Variants in ANO5 observed in about 807,000 individuals in gnomAD.
The protein encoded by ANO5 is anoctamin 5.
ANO5 carries 109 observed loss-of-function variants against 121.0 expected under a neutral mutation model. The observed-to-expected ratio is 0.90, with a 90% confidence interval of 0.77 to 1.06. The LOEUF (loss-of-function observed/expected upper bound fraction) is 1.06, where lower values mean the gene tolerates loss of function less well. ANO5 is among the 50% of genes least tolerant of loss of function. ANO5 has a pLI of 0.00. For synonymous variants in ANO5, 406 were observed against 359.9 expected (o/e 1.13, Z -1.45); for missense variants, 1,064 against 1,078.5 (o/e 0.99, Z 0.19).
chr11:22,262,558 G>A (rs1322208077), intron 16 of ANO5, among the ~76,000 whole-genome samples: 5 of 152,168 alleles, frequency 3.3e-5, no homozygotes, highest in African/African-American at 1.2e-4. Flanking sequence ...CTTTATTCCT[G>A]AAAATTTCCT....
chr11:22,277,755 T>C (rs1040546059), intron 21 of ANO5: 1 of 151,520 alleles, frequency 6.6e-6, no homozygotes, highest in Non-Finnish European at 1.5e-5. Context: ...ATTTATTTAT[T>C]ATTTGTGTTA....
chr11:22,231,486 T>C (rs1853039625), intron 7 of ANO5, among the ~76,000 whole-genome samples: 1 of 151,952 alleles, frequency 6.6e-6, no homozygotes, highest in South Asian at 2.1e-4. Context: ...CACTCATCAG[T>C]TAACAGTATA....
At chr11:22,266,302 A>G (rs143105651) in intron 17 of ANO5, among the ~76,000 whole-genome samples, 1,605 of 152,194 alleles carry the variant, frequency 0.011, 22 homozygotes, top group African/African-American at 0.036. Context: ...CAGTTAGAGT[A>G]TGCTCGTCTG....
At chr11:22,268,737 C>G (rs1854460549) in intron 17 of ANO5, among the ~76,000 whole-genome samples, 1 of 152,146 alleles carries the variant, frequency 6.6e-6, no homozygotes, top group South Asian at 2.1e-4. Flanking sequence ...TGTTTGCAGC[C>G]TGGTGCATTG....
intron 13 of ANO5, 149 bp from the exon 14 acceptor site, chr11:22,257,531 C>G: frequency 1.5e-6 from 1 of 674,866 alleles, no homozygotes; most frequent in Non-Finnish European, 2.7e-6. Flanking sequence ...AGAGAAGGAA[C>G]CATTCCTATA....
chr11:22,211,195 A>G, intron 2 of ANO5, 69 bp from the exon 3 acceptor site: 1 of 1,531,716 alleles, frequency 6.5e-7, no homozygotes, highest in Admixed American at 1.7e-5. Flanking sequence ...TGTTACTGAA[A>G]CTTAAAAGCA....
At chr11:22,227,662 G>GAA in intron 7 of ANO5, 76 bp downstream of exon 7, 3 of 1,550,548 alleles carry the variant, frequency 1.9e-6, no homozygotes, top group East Asian at 2.3e-5. Flanking sequence ...TACATGTGCA[G>GAA]ATGTCGTACC....
chr11:22,193,496 G>A lies in ANO5; in HGVS notation c.4G>A (p.Gly2Ser). 1 of 1,612,788 alleles carries A rather than the reference G, an allele frequency of 6.2e-7. No homozygotes were observed. Among genetic ancestry groups the A allele is most frequent in the Non-Finnish European group, 8.5e-7 (1 of 1,179,670 alleles). M[G>S]DPDLLEVLAE... ...TGCCATTAACGAGCTGGCGAAGATG[G>A]GCGACCCGGATCTCCTGGAAGTGTT... The change falls in exon 1 of 22, where the codon GGC becomes AGC. Residue 2 changes from glycine to serine, a missense_variant. By Grantham distance (56) the Gly-to-Ser change is moderately conservative. Coordinates refer to ENST00000324559, the MANE Select transcript of ANO5 (RefSeq NM_213599.3).
intron 8 of ANO5, among the ~76,000 whole-genome samples, chr11:22,237,490 A>G (rs1213742616): frequency 6.6e-6 from 1 of 152,118 alleles, no homozygotes; most frequent in Non-Finnish European, 1.5e-5. Flanking sequence ...TCCCGGGTTC[A>G]AGCAATTCTC....
intron 9 of ANO5, among the ~76,000 whole-genome samples, chr11:22,249,653 C>A (rs1296919747): frequency 6.6e-6 from 1 of 152,102 alleles, no homozygotes; most frequent in Non-Finnish European, 1.5e-5. Flanking sequence ...AGCTAGGCTG[C>A]ATATTTCATA....
At chr11:22,231,862 C>G (rs974852630) in intron 7 of ANO5, among the ~76,000 whole-genome samples, 1 of 151,966 alleles carries the variant, frequency 6.6e-6, no homozygotes, top group Non-Finnish European at 1.5e-5. Context: ...TTTCTGGACA[C>G]AAGAAATTAT....
At chr11:22,237,710 TC>T (rs1853273178) in intron 8 of ANO5, among the ~76,000 whole-genome samples, 1 of 152,144 alleles carries the variant, frequency 6.6e-6, no homozygotes, top group Admixed American at 6.6e-5. Context: ...GAGGAAATTT[TC>T]CAAAATGAGT....
At position 22,227,341 on chromosome 11, in the gene ANO5, G is replaced by T; in HGVS notation, c.403G>T (p.Ala135Ser). Reference protein sequence around the residue: ...DGRTYFVKIHAPWEVLVTYAE... With the variant: ...DGRTYFVKIHSPWEVLVTYAE... ...AAGAACTTATTTTGTCAAGATCCAT[G>T]CCCCTTGGGAGGTATTAGTTACCTA... The change falls in exon 7 of 22, where the codon GCC becomes TCC. Residue 135 changes from alanine (A) to serine (S), a missense_variant. Ala to Ser is a moderately conservative substitution (Grantham distance 99). Transcript: ENST00000324559. 1 of 1,613,282 alleles carries T rather than the reference G, an allele frequency of 6.2e-7. No individual in the cohort carries two copies. The highest frequency in any genetic ancestry group is 8.5e-7 in the Non-Finnish European group (1 of 1,179,686).
chr11:22,205,668 C>A, intron 2 of ANO5, among the ~76,000 whole-genome samples: 1 of 151,962 alleles, frequency 6.6e-6, no homozygotes, highest in South Asian at 2.1e-4. Flanking sequence ...TAGAAAAAAT[C>A]ATTGAAACCA....
At chr11:22,259,864 T>C in intron 15 of ANO5, 123 bp downstream of exon 15, 7 of 972,682 alleles carry the variant, frequency 7.2e-6, no homozygotes, top group South Asian at 1.4e-5. Flanking sequence ...AGTTTTTCTC[T>C]ATAAATAGAC....
At chr11:22,246,048 A>T (rs1208532718) in intron 9 of ANO5, among the ~76,000 whole-genome samples, 1 of 152,060 alleles carries the variant, frequency 6.6e-6, no homozygotes, top group Admixed American at 6.6e-5. Flanking sequence ...TGCCCTGCGC[A>T]GCCTATTTCT....
intron 17 of ANO5, among the ~76,000 whole-genome samples, chr11:22,264,461 G>T (rs1266095478): frequency 6.9e-6 from 1 of 144,178 alleles, no homozygotes; most frequent in Admixed American, 6.7e-5. Context: ...GGAGGTAAAA[G>T]AATAAAAAAA....
intron 13 of ANO5, 126 bp downstream of exon 13, chr11:22,255,648 C>A: frequency 1.8e-6 from 2 of 1,106,906 alleles, no homozygotes; most frequent in East Asian, 5.0e-5. Flanking sequence ...ACATAAACTT[C>A]TTTACTTGTT....
intron 18 of ANO5, 24 bp from the exon 19 acceptor site, chr11:22,272,760 C>T (rs1295015819): frequency 1.2e-6 from 2 of 1,600,318 alleles, no homozygotes; most frequent in South Asian, 2.2e-5. Flanking sequence ...ATAATGAGTT[C>T]ATGCCTTTTT....
Sources: gnomAD v4.1 joint callset for allele counts (sites outside exome capture counted in the v4.1 genomes callset) on GRCh38, gnomAD v4.1.1 for gene constraint, MANE v1.5 for transcripts, NCBI Gene and HGNC (gene_info 2026-07-23, HGNC 2026-07-21) for gene names.